The following GLDC variants were observed in gnomAD, a reference collection of about 807,000 sequenced individuals.
GLDC encodes the protein glycine dehydrogenase (decarboxylating), mitochondrial.
A neutral mutation model predicts 121.3 loss-of-function variants in GLDC; 104 were observed. The ratio of observed to expected loss-of-function variants is 0.86; its 90% CI spans 0.73 to 1.01. GLDC has a LOEUF of 1.01. Ranked by LOEUF, GLDC falls within the 50% of genes least tolerant of loss-of-function variation. The probability of loss-of-function intolerance (pLI) is 0.00; values close to 1 mark genes in which losing one functional copy is unlikely to be tolerated. For missense variants in GLDC, 1,429 were observed against 1,306.6 expected (o/e 1.09, Z -1.44); for synonymous variants, 546 against 480.6 (o/e 1.14, Z -1.78).
At chr9:6,614,000 C>A (rs1411282526) in intron 3 of GLDC, among the ~76,000 whole-genome samples, 2 of 152,050 alleles carry the variant, frequency 1.3e-5, no homozygotes, top group African/African-American at 4.8e-5. Context: ...TGGTCTCGAA[C>A]TCCTGACCTC....
At position 6,644,405 on chromosome 9, in the gene GLDC, A is replaced by G. The variant is rs539531728; in HGVS notation, c.334+209T>C. ...GGATAAAGACCAAGAACCGCACAACACCGACTCTCTCCTAACACAAAACTG... is the reference window on the plus strand; with the variant it reads ...GGATAAAGACCAAGAACCGCACAACGCCGACTCTCTCCTAACACAAAACTG... On this transcript the variant is annotated intron_variant, in intron 2 of 24. Transcript: ENST00000321612. 50 of 616,880 alleles carry G rather than the reference A, an allele frequency of 8.1e-5. 1 individual carries two copies. Among genetic ancestry groups the G allele is most frequent in the African/African-American group, 6.4e-4 (35 of 54,288 alleles). 38.2% of individuals were successfully genotyped at this position (616,880 alleles called of 1,614,324 possible). A position where few individuals can be genotyped will look rare whatever the true frequency, so the allele number is the denominator to read the frequency against.
intron 21 of GLDC, among the ~76,000 whole-genome samples, chr9:6,542,885 C>CAAAAAAAAAA (rs5896153): frequency 4.9e-5 from 3 of 61,392 alleles, no homozygotes; most frequent in South Asian, 6.0e-4. Flanking sequence ...GACCTTTTCT[C>CAAAAAAAAAA]AAAAAAAAAA....
intron 15 of GLDC, among the ~76,000 whole-genome samples, chr9:6,571,843 C>T (rs761405730): frequency 1.2e-4 from 19 of 152,010 alleles, no homozygotes; most frequent in Non-Finnish European, 1.9e-4. Context: ...AGCCTATGTA[C>T]ACAGAGATCA....
chr9:6,612,197 A>T (rs778267448), intron 3 of GLDC, among the ~76,000 whole-genome samples: 12 of 90,346 alleles, frequency 1.3e-4, no homozygotes, highest in Non-Finnish European at 2.0e-4. Context: ...TCACTCTCTC[A>T]CACACACACA....
chr9:6,576,569 C>T (rs576279570), intron 15 of GLDC, among the ~76,000 whole-genome samples: 125 of 152,242 alleles, frequency 8.2e-4, no homozygotes, highest in Non-Finnish European at 1.5e-3. Flanking sequence ...CAGGTTCAAG[C>T]AATTGTCCTG....
chr9:6,632,638 C>T (rs914260562), intron 2 of GLDC, among the ~76,000 whole-genome samples: 1 of 152,208 alleles, frequency 6.6e-6, no homozygotes, highest in African/African-American at 2.4e-5. Context: ...AACACAGATT[C>T]GCCCACAGCG....
intron 8 of GLDC, among the ~76,000 whole-genome samples, chr9:6,599,210 G>C (rs1287592793): frequency 2.6e-5 from 4 of 151,454 alleles, no homozygotes; most frequent in African/African-American, 9.7e-5. Flanking sequence ...AAAGAAACAG[G>C]AACATAACTG....
intron 16 of GLDC, among the ~76,000 whole-genome samples, chr9:6,560,199 T>A (rs533446666): frequency 2.6e-5 from 4 of 151,484 alleles, no homozygotes; most frequent in Admixed American, 1.3e-4. Context: ...AAGCCATGAT[T>A]ACCCTGAAAA....
In GLDC at chr9:6,589,206, T is replaced by C. The variant is rs780473377; in HGVS notation, c.1569A>G (p.Gln523=). ...CAAGACACACAAACCTGTTGAACAC[T>C]TGATGGGTGAGGAACGGGCTGGTCC... ...FKRTSPFLTH[Q]VFNSYHSETN... is the part of the protein sequence containing the mutation. The change falls in exon 12 of 25, where the codon CAA becomes CAG. Residue 523 remains glutamine, a synonymous_variant. Transcript: ENST00000321612. 1.9e-6 allele frequency: 3 copies of C among 1,594,496 alleles called. No homozygotes were observed. The highest frequency in any genetic ancestry group is 1.1e-5 in the South Asian group (1 of 90,678).
At chr9:6,546,193 T>G (rs1274474523) in intron 21 of GLDC, among the ~76,000 whole-genome samples, 4 of 151,186 alleles carry the variant, frequency 2.6e-5, no homozygotes, top group African/African-American at 9.7e-5. Flanking sequence ...GTCTTCCACC[T>G]CCTCATCTTT....
At chr9:6,562,717 T>C (rs1016275923) in intron 16 of GLDC, among the ~76,000 whole-genome samples, 1 of 152,134 alleles carries the variant, frequency 6.6e-6, no homozygotes, top group Non-Finnish European at 1.5e-5. Context: ...TGCACCACCA[T>C]GCCTGGCTAA....
intron 8 of GLDC, among the ~76,000 whole-genome samples, 161 bp downstream of exon 8, chr9:6,601,948 C>A (rs753121479): frequency 5.9e-5 from 9 of 152,002 alleles, no homozygotes; most frequent in Non-Finnish European, 1.2e-4. Context: ...TATTTTGGTT[C>A]TCATAAGACA....
intron 16 of GLDC, among the ~76,000 whole-genome samples, chr9:6,561,906 C>T (rs994898531): frequency 2.0e-5 from 3 of 152,148 alleles, no homozygotes; most frequent in Admixed American, 1.3e-4. Flanking sequence ...AATCTAACAA[C>T]CAAAGGCCAC....
At chr9:6,610,395 T>C (rs369484649) in intron 3 of GLDC, 39 bp from the exon 4 acceptor site, 12 of 1,605,428 alleles carry the variant, frequency 7.5e-6, no homozygotes, top group Middle Eastern at 1.7e-4. Context: ...AACTGACTGC[T>C]GTTTAGAGAA....
At chr9:6,585,615 A>G (rs1253494978) in intron 15 of GLDC, among the ~76,000 whole-genome samples, 1 of 152,132 alleles carries the variant, frequency 6.6e-6, no homozygotes, top group Non-Finnish European at 1.5e-5. Flanking sequence ...TGTGTAGTCT[A>G]TGTTACAAAA....
At chr9:6,548,036 G>A (rs1181851868) in intron 21 of GLDC, among the ~76,000 whole-genome samples, 1 of 152,078 alleles carries the variant, frequency 6.6e-6, no homozygotes, top group African/African-American at 2.4e-5. Flanking sequence ...CTACTTGGGA[G>A]GATGAGTTAG....
intron 23 of GLDC, among the ~76,000 whole-genome samples, chr9:6,535,795 C>T (rs981766523): frequency 1.3e-5 from 2 of 152,182 alleles, no homozygotes; most frequent in African/African-American, 4.8e-5. Flanking sequence ...AATCTCACTA[C>T]AGTACATCAA....
chr9:6,564,354 T>G (rs1817814729), intron 16 of GLDC, among the ~76,000 whole-genome samples: 1 of 152,178 alleles, frequency 6.6e-6, no homozygotes, highest in Non-Finnish European at 1.5e-5. Flanking sequence ...AAAATGTTCC[T>G]TCGTTTCCCC....
At chr9:6,594,923 G>A (rs1031488339) in intron 9 of GLDC, 91 bp downstream of exon 9, 9 of 810,830 alleles carry the variant, frequency 1.1e-5, no homozygotes, top group Admixed American at 3.4e-5. Context: ...TTTTAATTTT[G>A]CATATAGTAT....
Sources: gnomAD v4.1 joint callset for allele counts (sites outside exome capture counted in the v4.1 genomes callset) on GRCh38, gnomAD v4.1.1 for gene constraint, MANE v1.5 for transcripts, NCBI Gene and HGNC (gene_info 2026-07-23, HGNC 2026-07-21) for gene names.